QDPR: variants seen among roughly 807,000 people sequenced by gnomAD.
The protein encoded by QDPR is dihydropteridine reductase.
QDPR carries 23 observed loss-of-function variants against 31.7 expected under a neutral mutation model. The ratio of observed to expected loss-of-function variants is 0.73; its 90% CI spans 0.52 to 1.03. QDPR has a LOEUF of 1.03. Ranked by LOEUF, QDPR falls within the 50% of genes least tolerant of loss-of-function variation. The pLI is 0.00. For synonymous variants in QDPR, 124 were observed against 124.7 expected, an observed-to-expected ratio of 0.99 and a Z score of 0.03; for missense variants, 324 against 323.8, an observed-to-expected ratio of 1.00 and a Z score of 0.00.
At chr4:17,510,602 G>C (rs1718970255) in intron 1 of QDPR, among the ~76,000 whole-genome samples, 1 of 152,180 alleles carries the variant, frequency 6.6e-6, no homozygotes, top group African/African-American at 2.4e-5. Context: ...GGAGGGGAAA[G>C]ACCAAGAGCC....
chr4:17,512,075 TC>T lies in QDPR; in HGVS notation c.-22del, dbSNP rs758432106. 1 of 1,556,120 alleles carries T rather than the reference TC, an allele frequency of 6.4e-7. No homozygotes were observed. The highest frequency in any genetic ancestry group is 1.2e-5 in the South Asian group (1 of 86,090). On this transcript the variant is annotated 5_prime_UTR_variant, in exon 1 of 7. Transcript: ENST00000281243. ...GCCATCCTGCTCCTGCCAGCCCGGCTCCCGCAGCTCCGAATGCCTCGAGCCG... is the reference window on the plus strand; with the variant it reads ...GCCATCCTGCTCCTGCCAGCCCGGCTCCGCAGCTCCGAATGCCTCGAGCCG...
chr4:17,490,367 A>G, intron 6 of QDPR: 2 of 394,418 alleles, frequency 5.1e-6, no homozygotes, highest in South Asian at 4.2e-5. Context: ...ACCTCATGAT[A>G]CAGGTGGGGA....
chr4:17,509,488 A>T, intron 1 of QDPR, 125 bp from the exon 2 acceptor site: 1 of 828,924 alleles, frequency 1.2e-6, no homozygotes, highest in Non-Finnish European at 2.0e-6. Context: ...GCACTTTGGG[A>T]GCCAATGTGG....
chr4:17,494,238 G>A (rs1375549658), intron 4 of QDPR, among the ~76,000 whole-genome samples: 1 of 152,174 alleles, frequency 6.6e-6, no homozygotes, highest in Non-Finnish European at 1.5e-5. Flanking sequence ...GACTATAGGA[G>A]TTTCATCAGC....
At chr4:17,509,483 T>C (rs1718920522) in intron 1 of QDPR, 120 bp from the exon 2 acceptor site, 2 of 858,580 alleles carry the variant, frequency 2.3e-6, no homozygotes, top group East Asian at 5.3e-5. Flanking sequence ...TGCCAGCACT[T>C]TGGGAGCCAA....
At chr4:17,501,407 A>C (rs1718555954) in intron 4 of QDPR, among the ~76,000 whole-genome samples, 1 of 152,166 alleles carries the variant, frequency 6.6e-6, no homozygotes, top group African/African-American at 2.4e-5. Flanking sequence ...TGATAATAAT[A>C]ATCCATGTTT....
At chr4:17,510,716 G>C (rs966428215) in intron 1 of QDPR, among the ~76,000 whole-genome samples, 1 of 152,174 alleles carries the variant, frequency 6.6e-6, no homozygotes, top group Non-Finnish European at 1.5e-5. Context: ...ACGCTAACAG[G>C]ATCTACTGCC....
chr4:17,497,372 T>C (rs892542278), intron 4 of QDPR, among the ~76,000 whole-genome samples: 1 of 152,116 alleles, frequency 6.6e-6, no homozygotes, highest in African/African-American at 2.4e-5. Flanking sequence ...AGACCCTGTT[T>C]GAATCAGCTC....
intron 6 of QDPR, 149 bp from the exon 7 acceptor site, chr4:17,487,385 C>G: frequency 1.5e-6 from 1 of 678,836 alleles, no homozygotes; most frequent in South Asian, 1.6e-5. Context: ...CGCCATGGCT[C>G]ACACCTGTGA....
intron 4 of QDPR, among the ~76,000 whole-genome samples, chr4:17,496,563 A>G (rs1021659988): frequency 1.3e-5 from 2 of 151,522 alleles, no homozygotes; most frequent in East Asian, 3.9e-4. Context: ...ACTAACTTTT[A>G]AATTATTTAA....
intron 6 of QDPR, among the ~76,000 whole-genome samples, chr4:17,489,762 C>T (rs1056887430): frequency 2.0e-5 from 3 of 152,152 alleles, no homozygotes; most frequent in Admixed American, 6.5e-5. Flanking sequence ...AAACATAAAA[C>T]GCAAGTCCCA....
At chr4:17,501,898 A>G in intron 3 of QDPR, 39 bp from the exon 4 acceptor site, 3 of 1,613,134 alleles carry the variant, frequency 1.9e-6, no homozygotes, top group Non-Finnish European at 2.5e-6. Flanking sequence ...ATTCCCAGGA[A>G]AGAAACCAAA....
chr4:17,502,117 C>G (rs1419836844), intron 3 of QDPR, among the ~76,000 whole-genome samples: 1 of 152,144 alleles, frequency 6.6e-6, no homozygotes, highest in African/African-American at 2.4e-5. Flanking sequence ...CAAAATAAAC[C>G]TGGAGTTTAC....
At chr4:17,502,647 C>T (rs1718612379) in intron 3 of QDPR, among the ~76,000 whole-genome samples, 1 of 152,230 alleles carries the variant, frequency 6.6e-6, no homozygotes. Flanking sequence ...CAAAGCACCA[C>T]TCTCACATTG....
At chr4:17,511,762 G>A (rs1719017480) in intron 1 of QDPR, among the ~76,000 whole-genome samples, 188 bp downstream of exon 1, 1 of 152,196 alleles carries the variant, frequency 6.6e-6, no homozygotes, top group Non-Finnish European at 1.5e-5. Context: ...CCAGCGCCCT[G>A]GGACTGGCGT....
intron 5 of QDPR, among the ~76,000 whole-genome samples, chr4:17,491,827 C>T (rs1718174723): frequency 6.6e-6 from 1 of 152,036 alleles, no homozygotes; most frequent in Admixed American, 6.6e-5. Flanking sequence ...GTGGGGTCTG[C>T]AGGAGACAAG....
chr4:17,505,582 T>C (rs1434555700), intron 2 of QDPR, among the ~76,000 whole-genome samples: 4 of 152,216 alleles, frequency 2.6e-5, no homozygotes, highest in Non-Finnish European at 5.9e-5. Flanking sequence ...CTGGGCACAG[T>C]GGCTCATGCC....
chr4:17,510,097 C>A (rs1041969074), intron 1 of QDPR: 4 of 408,324 alleles, frequency 9.8e-6, no homozygotes, highest in Non-Finnish European at 1.5e-5. Flanking sequence ...AAATATAATT[C>A]TTCATTTGAT....
At chr4:17,507,968 T>C (rs1022087263) in intron 2 of QDPR, among the ~76,000 whole-genome samples, 1 of 152,220 alleles carries the variant, frequency 6.6e-6, no homozygotes, top group African/African-American at 2.4e-5. Context: ...TTCTGGGAAA[T>C]GATACTATGA....
Sources: allele counts gnomAD v4.1 joint callset (sites outside exome capture counted in the v4.1 genomes callset), GRCh38; gene constraint gnomAD v4.1.1; transcripts MANE v1.5; gene names NCBI Gene and HGNC (gene_info 2026-07-23, HGNC 2026-07-21).